Variants in C3orf22 observed in about 807,000 individuals in gnomAD.
C3orf22 encodes uncharacterized protein C3orf22.
C3orf22 carries 7 observed loss-of-function variants against 10.8 expected under a neutral mutation model. The ratio of observed to expected loss-of-function variants is 0.65; its 90% confidence interval spans 0.37 to 1.22. The LOEUF is 1.22. C3orf22 is among the 50% of genes most tolerant of loss of function. The pLI is 0.02. For synonymous variants in C3orf22, 79 were observed against 78.9 expected (o/e 1.00, Z 0.00); for missense variants, 173 against 177.0 (o/e 0.98, Z 0.13).
chr3:126,548,694 G>C (rs543055909), downstream of C3orf22, among the ~76,000 whole-genome samples: 611 of 152,194 alleles, frequency 4.0e-3, 3 homozygotes, highest in Non-Finnish European at 6.3e-3. Context: ...GTCTTGGCTG[G>C]GGCGGCACAG....
intron 4 of C3orf22, chr3:126,542,468 C>T (rs1272857221): frequency 1.9e-6 from 3 of 1,577,832 alleles, no homozygotes; most frequent in Non-Finnish European, 2.6e-6. Context: ...CCTGGCAGCG[C>T]GCCTCTTCCG....
chr3:126,556,333 C>T (rs755145798), intron 1 of C3orf22, among the ~76,000 whole-genome samples: 1 of 152,252 alleles, frequency 6.6e-6, no homozygotes, highest in Non-Finnish European at 1.5e-5. Context: ...GGGGGCAGCT[C>T]GGAGCTGTGC....
At chr3:126,529,586 G>A (rs964253392) in intron 4 of C3orf22, among the ~76,000 whole-genome samples, 2 of 152,108 alleles carry the variant, frequency 1.3e-5, no homozygotes, top group Non-Finnish European at 2.9e-5. Context: ...CATGAGAGGG[G>A]TAAGCATGTC....
chr3:126,549,772 G>T lies in C3orf22; in HGVS notation c.*96C>A. The T allele has an allele frequency of 1.3e-6, 2 of 1,515,204 alleles. No individual in the cohort carries two copies. The highest frequency in any genetic ancestry group is 1.8e-6 in the Non-Finnish European group (2 of 1,131,496). 93.9% of individuals were successfully genotyped at this position (1,515,204 alleles called of 1,614,324 possible). ...ACCACTCCCGGTCTATGATGGCCAT[G>T]AAGGCTGATCCCTTTACTAAAGTCT... On this transcript the variant is annotated 3_prime_UTR_variant, in exon 4 of 4. Transcript: ENST00000318225.
chr3:126,545,659 T>C (rs749202805), downstream of C3orf22, among the ~76,000 whole-genome samples: 10 of 152,256 alleles, frequency 6.6e-5, no homozygotes, highest in Non-Finnish European at 1.0e-4. Context: ...GGCCCAGGGC[T>C]GCTGCATGCA....
chr3:126,538,120 G>T (rs1936837174), intron 4 of C3orf22, among the ~76,000 whole-genome samples: 1 of 152,220 alleles, frequency 6.6e-6, no homozygotes, highest in Non-Finnish European at 1.5e-5. Context: ...TGTAAAATGG[G>T]TATTCATGTG....
intron 4 of C3orf22, among the ~76,000 whole-genome samples, chr3:126,534,246 G>A (rs1936715859): frequency 6.6e-6 from 1 of 152,136 alleles, no homozygotes. Context: ...TCATATATAG[G>A]CTATATTACT....
chr3:126,541,979 G>A (rs778294672), intron 4 of C3orf22: 21 of 1,573,526 alleles, frequency 1.3e-5, no homozygotes, highest in Non-Finnish European at 1.8e-5. Context: ...CGCGCAAGAG[G>A]CGCACGCGCC....
At chr3:126,533,182 CAA>C (rs1054516209) in intron 4 of C3orf22, among the ~76,000 whole-genome samples, 3 of 152,064 alleles carry the variant, frequency 2.0e-5, no homozygotes, top group African/African-American at 4.8e-5. Context: ...TATGAATAGA[CAA>C]AGTTTTACTT....
chr3:126,556,883 GACTC>G (rs1428409998), intron 1 of C3orf22, among the ~76,000 whole-genome samples: 1 of 139,806 alleles, frequency 7.2e-6, no homozygotes, highest in African/African-American at 2.8e-5. Context: ...CACACACACA[GACTC>G]ACACACATGC....
At chr3:126,536,691 G>A (rs1292406192) in intron 4 of C3orf22, among the ~76,000 whole-genome samples, 1 of 151,950 alleles carries the variant, frequency 6.6e-6, no homozygotes, top group Non-Finnish European at 1.5e-5. Flanking sequence ...AGTGTGTGCT[G>A]CAGTGGGGAG....
At chr3:126,554,271 T>C (rs1360122723) in intron 1 of C3orf22, among the ~76,000 whole-genome samples, 1 of 150,008 alleles carries the variant, frequency 6.7e-6, no homozygotes, top group East Asian at 1.9e-4. Flanking sequence ...TGTTTTTTTT[T>C]TTTTTTTTTT....
intron 4 of C3orf22, chr3:126,542,467 G>A: frequency 1.9e-6 from 3 of 1,576,970 alleles, no homozygotes; most frequent in Non-Finnish European, 2.6e-6. Flanking sequence ...ACCTGGCAGC[G>A]CGCCTCTTCC....
intron 2 of C3orf22, 44 bp from the exon 3 acceptor site, chr3:126,552,166 C>T (rs1937206198): frequency 1.9e-6 from 3 of 1,611,526 alleles, no homozygotes; most frequent in Non-Finnish European, 1.7e-6. Context: ...CATCCACCAG[C>T]CTCCTGAAGT....
In C3orf22 at chr3:126,552,137, G is replaced by A. The variant is rs943321855; in HGVS notation, c.90-15C>T. On this transcript the variant is annotated splice_polypyrimidine_tract_variant and intron_variant, in intron 2 of 3. Transcript: ENST00000318225. ...GCCACGACAACCTGCAACAGCACTTGGAATGTCAACATGGCCACCATCCAC... is the reference window on the plus strand; with the variant it reads ...GCCACGACAACCTGCAACAGCACTTAGAATGTCAACATGGCCACCATCCAC... 2 of 1,613,134 alleles carry A rather than the reference G, an allele frequency of 1.2e-6. No individual in the cohort carries two copies. Among genetic ancestry groups the A allele is most frequent in the African/African-American group, 1.3e-5 (1 of 74,870 alleles).
Position 126,542,405 on chromosome 3 carries a change from G to T in C3orf22, c.286+7132C>A, listed in dbSNP as rs763477922. 25 of 1,555,448 alleles carry T rather than the reference G, an allele frequency of 1.6e-5. No homozygotes were observed. The South Asian group carries it at 2.8e-4, about 18-fold the overall frequency. ...CGTGCTGGGCCTGGCGGGCGCATCC[G>T]ACCTGAGCTTCCCTGGGCCGCCGCG... On this transcript the variant is annotated intron_variant and NMD_transcript_variant, in intron 4 of 5. Transcript: ENST00000505070.
At chr3:126,550,148 G>A (rs2107579463) in intron 3 of C3orf22, 70 bp from the exon 4 acceptor site, 6 of 1,565,120 alleles carry the variant, frequency 3.8e-6, no homozygotes, top group Non-Finnish European at 5.2e-6. Flanking sequence ...GCAGCCCAGA[G>A]AAGTCAGCCA....
chr3:126,541,975 A>C, intron 4 of C3orf22: 1 of 1,578,562 alleles, frequency 6.3e-7, no homozygotes, highest in Non-Finnish European at 8.6e-7. Flanking sequence ...TCTCCGCGCA[A>C]GAGGCGCACG....
At chr3:126,535,167 A>G (rs1429776802) in intron 4 of C3orf22, among the ~76,000 whole-genome samples, 1 of 151,206 alleles carries the variant, frequency 6.6e-6, no homozygotes, top group East Asian at 2.0e-4. Context: ...GGAGACAGAC[A>G]GCATCCCTGT....
Sources: gnomAD v4.1 joint callset for allele counts (sites outside exome capture counted in the v4.1 genomes callset) on GRCh38, gnomAD v4.1.1 for gene constraint, MANE v1.5 for transcripts, NCBI Gene and HGNC (gene_info 2026-07-23, HGNC 2026-07-21) for gene names.